PDE6A: variants seen among roughly 807,000 people sequenced by gnomAD.
The protein encoded by PDE6A is phosphodiesterase 6A, also known as rod cGMP-specific 3',5'-cyclic phosphodiesterase subunit alpha.
In PDE6A, 84 loss-of-function variants were observed where a neutral mutation model predicts 106.3. That is an observed-to-expected ratio of 0.79 (90% CI 0.66 to 0.95). The LOEUF (loss-of-function observed/expected upper bound fraction) is 0.95. Among genes scored for constraint, PDE6A ranks in the 40% least tolerant of loss-of-function variants. The pLI is 0.00. For synonymous variants in PDE6A, 394 were observed against 386.6 expected (o/e 1.02, Z -0.23); for missense variants, 1,052 against 1,084.9 (o/e 0.97, Z 0.43).
intron 3 of PDE6A, 71 bp from the exon 4 acceptor site, chr5:149,931,239 C>T: frequency 1.4e-6 from 2 of 1,436,596 alleles, no homozygotes; most frequent in East Asian, 2.3e-5. Flanking sequence ...TGGAGAATAA[C>T]AACAATTCTG....
intron 3 of PDE6A, among the ~76,000 whole-genome samples, 192 bp from the exon 4 acceptor site, chr5:149,931,360 T>C (rs138642658): frequency 6.6e-5 from 10 of 152,284 alleles, no homozygotes; most frequent in African/African-American, 2.2e-4. Flanking sequence ...TTTAATTTTT[T>C]TTTTTGCTTT....
chr5:149,881,490 C>A (rs1479358868), intron 17 of PDE6A, among the ~76,000 whole-genome samples: 1 of 152,140 alleles, frequency 6.6e-6, no homozygotes, highest in African/African-American at 2.4e-5. Flanking sequence ...CAAATTAACA[C>A]AAGAATGGAA....
rs1228867964 is a variant in PDE6A at position 149,928,208 on chromosome 5, G to GATATATATAT, written c.858+2819_858+2820insATATATATAT. Among the ~76,000 whole-genome samples the GATATATATAT allele has an allele frequency of 2.4e-3, 140 of 57,698 alleles. 5 individuals carry two copies. The highest frequency in any genetic ancestry group is 7.4e-3 in the African/African-American group (78 of 10,586). The allele number at this position is 57,698 out of a possible 152,430, so 37.9% of individuals were successfully genotyped here. On this transcript the variant is annotated intron_variant, in intron 4 of 21. Transcript: ENST00000255266. ...TGTACTACAGCTCATAATTGTATGT[G>GATATATATAT]CTATATATATATATATATATATATT... is the stretch of plus-strand genomic sequence containing the variant.
intron 20 of PDE6A, among the ~76,000 whole-genome samples, chr5:149,865,726 T>C (rs1204808541): frequency 6.6e-6 from 1 of 152,198 alleles, no homozygotes; most frequent in African/African-American, 2.4e-5. Flanking sequence ...AAATTAAAAG[T>C]CAGAGGTGGA....
intron 17 of PDE6A, 25 bp downstream of exon 17, chr5:149,883,404 A>G (rs369263399): frequency 2.1e-6 from 3 of 1,450,894 alleles, no homozygotes; most frequent in Non-Finnish European, 2.9e-6. Context: ...TAAGAGGATC[A>G]GGTTTTAACC....
chr5:149,908,807 A>G (rs977057850), intron 6 of PDE6A, among the ~76,000 whole-genome samples: 5 of 152,130 alleles, frequency 3.3e-5, no homozygotes, highest in African/African-American at 1.2e-4. Flanking sequence ...ACTGGAAACC[A>G]AGAGTCCAGG....
At chr5:149,925,109 A>G (rs1452051653) in intron 4 of PDE6A, among the ~76,000 whole-genome samples, 1 of 152,220 alleles carries the variant, frequency 6.6e-6, no homozygotes, top group Non-Finnish European at 1.5e-5. Context: ...TTGGAGGAAG[A>G]TAACATATTT....
intron 17 of PDE6A, 100 bp downstream of exon 17, chr5:149,883,329 A>T: frequency 1.2e-6 from 1 of 800,860 alleles, no homozygotes; most frequent in Non-Finnish European, 2.2e-6. Flanking sequence ...CCAAAATGAA[A>T]TAGTCCCAAG....
At chr5:149,870,585 G>T (rs1326915496) in intron 17 of PDE6A, among the ~76,000 whole-genome samples, 2 of 152,104 alleles carry the variant, frequency 1.3e-5, no homozygotes, top group Non-Finnish European at 2.9e-5. Context: ...TTTGCTGTGT[G>T]CATGGGATGA....
chr5:149,929,914 CCTT>C (rs1465481671), intron 4 of PDE6A, among the ~76,000 whole-genome samples: 3 of 152,076 alleles, frequency 2.0e-5, no homozygotes, highest in Non-Finnish European at 4.4e-5. Flanking sequence ...TCTACGTTGT[CCTT>C]CTTTTTTTAT....
intron 5 of PDE6A, among the ~76,000 whole-genome samples, chr5:149,919,526 T>A (rs1414237512): frequency 6.7e-6 from 1 of 149,330 alleles, no homozygotes; most frequent in East Asian, 1.9e-4. Flanking sequence ...AAATGGACAT[T>A]TTTTTTGGAA....
rs765481142 is a variant in PDE6A, at chr5:149,884,774, T to A, written c.1926+6A>T. On this transcript the variant is annotated splice_donor_region_variant and intron_variant, in intron 15 of 21. Transcript: ENST00000255266. Reference sequence around the variant, plus strand: ...GCGGCCTGTAGACCCTTGGCCCTCATCCTACCTCGTCTCTGAGCAGTGTTT... The same window carrying A: ...GCGGCCTGTAGACCCTTGGCCCTCAACCTACCTCGTCTCTGAGCAGTGTTT... 4 of 1,613,216 alleles carry A rather than the reference T, an allele frequency of 2.5e-6. No individual in the cohort carries two copies. The East Asian group carries it at 8.9e-5, about 36-fold the overall frequency.
chr5:149,883,943 A>G (rs535639268), intron 16 of PDE6A, among the ~76,000 whole-genome samples: 164 of 152,244 alleles, frequency 1.1e-3, no homozygotes, highest in African/African-American at 3.8e-3. Flanking sequence ...CTGTAATCCC[A>G]ATACTTTGGG....
intron 6 of PDE6A, among the ~76,000 whole-genome samples, chr5:149,914,734 A>C (rs1753500036): frequency 6.7e-6 from 1 of 149,940 alleles, no homozygotes; most frequent in Non-Finnish European, 1.5e-5. Flanking sequence ...CTCCCACCTT[A>C]TAAGAAAAGT....
intron 21 of PDE6A, among the ~76,000 whole-genome samples, chr5:149,862,023 A>G (rs1760162001): frequency 6.6e-6 from 1 of 152,222 alleles, no homozygotes. Flanking sequence ...CTACATTTGC[A>G]GCTGCCCATT....
chr5:149,943,056 T>G (rs1754364683), intron 1 of PDE6A, among the ~76,000 whole-genome samples: 1 of 151,950 alleles, frequency 6.6e-6, no homozygotes, highest in Admixed American at 6.6e-5. Flanking sequence ...GGTGTTGGGC[T>G]GGGGGATGGT....
chr5:149,899,517 G>A lies in PDE6A; in HGVS notation c.1121C>T (p.Pro374Leu). The change falls in exon 9 of 22, where the codon CCT becomes CTT. Residue 374 changes from proline to leucine, a missense_variant. Physicochemically the swap from Pro to Leu is moderately conservative, Grantham distance 98. Transcript: ENST00000255266. The part of the protein sequence containing the change: ...AEDFFAFQKE[P>L]LDESGWMIKN... ...AATCATCCATCCAGACTCATCCAGAGGTTCTTTCTACAAGAGAAGGGCTAG... is the reference window on the plus strand; with the variant it reads ...AATCATCCATCCAGACTCATCCAGAAGTTCTTTCTACAAGAGAAGGGCTAG... 1.9e-6 allele frequency: 3 copies of A among 1,614,076 alleles called. No homozygotes were observed. Among genetic ancestry groups the A allele is most frequent in the Non-Finnish European group, 2.5e-6 (3 of 1,179,958 alleles).
intron 1 of PDE6A, among the ~76,000 whole-genome samples, chr5:149,941,345 A>G (rs1754322344): frequency 1.3e-5 from 2 of 152,174 alleles, no homozygotes; most frequent in Admixed American, 1.3e-4. Context: ...ACTTTTTCTG[A>G]AGGATGAGTA....
chr5:149,926,304 G>C (rs1021706219), intron 4 of PDE6A, among the ~76,000 whole-genome samples: 3 of 151,936 alleles, frequency 2.0e-5, no homozygotes, highest in Non-Finnish European at 4.4e-5. Context: ...AGAGAATCCA[G>C]AAACAGACCC....
Sources: allele counts gnomAD v4.1 joint callset (sites outside exome capture counted in the v4.1 genomes callset), GRCh38; gene constraint gnomAD v4.1.1; transcripts MANE v1.5; gene names NCBI Gene and HGNC (gene_info 2026-07-23, HGNC 2026-07-21).